OR2M4: variants seen among roughly 807,000 people sequenced by gnomAD.
OR2M4 encodes the protein olfactory receptor 2M4.
OR2M4 carries 8 observed loss-of-function variants against 13.7 expected under a neutral mutation model. The ratio of observed to expected loss-of-function variants is 0.58; its 90% CI spans 0.34 to 1.05. OR2M4 has a LOEUF of 1.05. Ranked by LOEUF, OR2M4 falls within the 50% of genes least tolerant of loss-of-function variation. The pLI, the probability that OR2M4 is intolerant of heterozygous loss-of-function variation, is 0.02. For missense variants in OR2M4, 374 were observed against 381.6 expected, an observed-to-expected ratio of 0.98 and a Z score of 0.17; for synonymous variants, 152 against 141.3, an observed-to-expected ratio of 1.08 and a Z score of -0.53.
Position 248,237,378 on chromosome 1 carries a change from G to A in OR2M4, c.-19-1532G>A, listed in dbSNP as rs1026872102. Among the ~76,000 whole-genome samples the A allele has an allele frequency of 3.9e-5, 6 of 152,120 alleles. 1 individual carries two copies. In the South Asian group the frequency reaches 1.2e-3, roughly 32 times the overall value. On this transcript the variant is annotated intron_variant, in intron 1 of 1. Coordinates refer to ENST00000641868, the MANE Select transcript of OR2M4 (RefSeq NM_017504.2). ...CGTGTTAAAAACTCTCAATAGCCAGGCACGGTGGCTCATGCGTGTAATCCC... is the reference window on the plus strand; with the variant it reads ...CGTGTTAAAAACTCTCAATAGCCAGACACGGTGGCTCATGCGTGTAATCCC...
rs149879472 is a variant in OR2M4, at chr1:248,238,915, G to A, written c.-14G>A. On this transcript the variant is annotated 5_prime_UTR_variant, in exon 2 of 2. Transcript: ENST00000641868. ...ACCTTCTTTGGAATTCTCAGATAAG[G>A]CAAATTATCCAGGATGGTGTGGGAA... 0.019 allele frequency: 29,287 copies of A among 1,548,730 alleles called. 328 individuals carry two copies. Among genetic ancestry groups the A allele is most frequent in the Non-Finnish European group, 0.022 (24,755 of 1,147,790 alleles).
chr1:248,236,699 T>C (rs1666560221), intron 1 of OR2M4, among the ~76,000 whole-genome samples: 1 of 151,666 alleles, frequency 6.6e-6, no homozygotes, highest in African/African-American at 2.4e-5. Flanking sequence ...GAGAGAATAA[T>C]CAGATAGACC....
rs769395579 is a variant in OR2M4 at position 248,239,040 on chromosome 1, G to T, written c.112G>T (p.Ala38Ser). 5.0e-6 allele frequency: 8 copies of T among 1,613,800 alleles called. No individual in the cohort carries two copies. In the South Asian group the frequency reaches 6.6e-5, roughly 13 times the overall value. Reference sequence around the variant, plus strand: ...TCTGGTCCTGGGCATCTTCTCACTGGCATTGATGGAAAATATTTCCATGGT... The same window carrying T: ...TCTGGTCCTGGGCATCTTCTCACTGTCATTGATGGAAAATATTTCCATGGT... ...FSLVLGIFSLALMENISMVLL... is the reference protein window; with the variant it reads ...FSLVLGIFSLSLMENISMVLL... The change falls in exon 2 of 2, where the codon GCA becomes TCA. Residue 38 changes from alanine (A) to serine (S), a missense_variant. Transcript: ENST00000641868.
chr1:248,239,585 C>A lies in OR2M4; in HGVS notation c.657C>A (p.Ser219=), dbSNP rs1666595298. 1 of 1,613,964 alleles carries A rather than the reference C, an allele frequency of 6.2e-7. No homozygotes were observed. The highest frequency in any genetic ancestry group is 1.3e-5 in the African/African-American group (1 of 74,886). The change falls in exon 2 of 2, where the codon TCC becomes TCA. Residue 219 remains serine, a synonymous_variant. Transcript: ENST00000641868. ...FPVSVIILSY[S]HVLRAVIHMG... is the part of the protein sequence containing the mutation. ...TTTCAGTTATCATACTTTCCTATTC[C>A]CATGTCCTTCGAGCCGTCATCCACA...
chr1:248,234,689 T>C (rs1666539979), intron 1 of OR2M4, among the ~76,000 whole-genome samples: 1 of 152,108 alleles, frequency 6.6e-6, no homozygotes, highest in Non-Finnish European at 1.5e-5. Flanking sequence ...TTCCATGTTG[T>C]ATATGTGCCA....
intron 1 of OR2M4, among the ~76,000 whole-genome samples, chr1:248,237,066 G>T (rs963946524): frequency 1.3e-5 from 2 of 152,154 alleles, no homozygotes; most frequent in South Asian, 2.1e-4. Context: ...CATTTATGAG[G>T]CCAGCATCAT....
At chr1:248,235,404 G>T (rs1032389953) in intron 1 of OR2M4, among the ~76,000 whole-genome samples, 1 of 152,126 alleles carries the variant, frequency 6.6e-6, no homozygotes, top group Non-Finnish European at 1.5e-5. Context: ...TTTGATTGCT[G>T]TAGCCTTGTA....
At position 248,242,052 on chromosome 1, in the gene OR2M4, C is replaced by A. The variant is rs1231481918; in HGVS notation, c.*2188C>A. 1 of 152,084 alleles carries A rather than the reference C, an allele frequency of 6.6e-6. No individual in the cohort carries two copies. The highest frequency in any genetic ancestry group is 1.5e-5 in the Non-Finnish European group (1 of 68,024). 9.4% of individuals were successfully genotyped at this position (152,084 alleles called of 1,614,324 possible). A position where few individuals can be genotyped will look rare whatever the true frequency, so the allele number is the denominator to read the frequency against. On this transcript the variant is annotated 3_prime_UTR_variant, in exon 2 of 2. Transcript: ENST00000641868. ...GTTTCATTCCACTTTATGATACACA[C>A]TGGAAATGTTTATGCTCAGTTTTTG...
At position 248,243,666 on chromosome 1, in the gene OR2M4, T is replaced by C. The variant is rs1273990673; in HGVS notation, c.*3802T>C. On this transcript the variant is annotated 3_prime_UTR_variant, in exon 2 of 2. Coordinates refer to ENST00000641868, the MANE Select transcript of OR2M4 (RefSeq NM_017504.2). The stretch of plus-strand genomic sequence containing the variant: ...GGCTTGGCAAATAATTTTTGGCTAA[T>C]TTCCCAAAAACATTTGCAACAAAAA... 1 of 152,210 alleles carries C rather than the reference T, an allele frequency of 6.6e-6. No individual in the cohort carries two copies. The allele number at this position is 152,210 out of a possible 1,614,324, so 9.4% of individuals were successfully genotyped here.
rs1408388612 is a variant in OR2M4 at position 248,240,846 on chromosome 1, T to C, written c.*982T>C. 1 of 152,250 alleles carries C rather than the reference T, an allele frequency of 6.6e-6. No homozygotes were observed. The highest frequency in any genetic ancestry group is 1.5e-5 in the Non-Finnish European group (1 of 68,092). The allele number at this position is 152,250 out of a possible 1,614,324, so 9.4% of individuals were successfully genotyped here. ...CTGGTGAGAAAGAACACAGCAATTG[T>C]GAGGCTTTGAGCTCAGTGCTGTCCT... On this transcript the variant is annotated 3_prime_UTR_variant, in exon 2 of 2. Transcript: ENST00000641868.
rs1666624653 is a variant in OR2M4 at position 248,242,113 on chromosome 1, A to C, written c.*2249A>C. ...ATATGTGTCGTGGGTACAGTTGCTC[A>C]ATTTATTCAATTTATACTTGTATAT... On this transcript the variant is annotated 3_prime_UTR_variant, in exon 2 of 2. Coordinates refer to ENST00000641868, the MANE Select transcript of OR2M4 (RefSeq NM_017504.2). 6.6e-6 allele frequency: 1 copy of C among 152,146 alleles called. No homozygotes were observed. The highest frequency in any genetic ancestry group is 6.5e-5 in the Admixed American group (1 of 15,272). 9.4% of individuals were successfully genotyped at this position (152,146 alleles called of 1,614,324 possible). A position where few individuals can be genotyped will look rare whatever the true frequency, so the allele number is the denominator to read the frequency against.
Position 248,234,279 on chromosome 1 carries a change from A to T in OR2M4, c.-20+2699A>T, listed in dbSNP as rs76396120. Among the ~76,000 whole-genome samples, 652 of 146,784 alleles carry T rather than the reference A, an allele frequency of 4.4e-3. 3 individuals carry two copies. Among genetic ancestry groups the T allele is most frequent in the African/African-American group, 0.015 (606 of 39,882 alleles). On this transcript the variant is annotated intron_variant, in intron 1 of 1. Coordinates refer to ENST00000641868, the MANE Select transcript of OR2M4 (RefSeq NM_017504.2). ...CATCTTGAACTGGGCTGAGTCAAAT[A>T]TTTTTTTTTTTTAATTTGTATTTTA...
At chr1:248,232,362 T>C (rs1023470065) in intron 1 of OR2M4, among the ~76,000 whole-genome samples, 2 of 152,196 alleles carry the variant, frequency 1.3e-5, no homozygotes, top group African/African-American at 4.8e-5. Context: ...GGGGTTGAGC[T>C]TCTTTCCAAA....
At chr1:248,236,097 A>C (rs945941417) in intron 1 of OR2M4, among the ~76,000 whole-genome samples, 2 of 152,100 alleles carry the variant, frequency 1.3e-5, no homozygotes, top group African/African-American at 2.4e-5. Context: ...CATAATATAC[A>C]TTTTTATCAG....
chr1:248,239,029 T>C lies in OR2M4; in HGVS notation c.101T>C (p.Ile34Thr). The stretch of plus-strand genomic sequence containing the variant: ...TTCCTTTTTTCTCTGGTCCTGGGCA[T>C]CTTCTCACTGGCATTGATGGAAAAT... Reference protein sequence around the residue: ...HTFLFSLVLGIFSLALMENIS... With the variant: ...HTFLFSLVLGTFSLALMENIS... Residue 34 changes from isoleucine to threonine, a missense_variant, in exon 2 of 2, where the codon ATC (isoleucine) becomes ACC (threonine). By Grantham distance (89) the Ile-to-Thr change is moderately conservative. Transcript: ENST00000641868. 1 of 1,614,020 alleles carries C rather than the reference T, an allele frequency of 6.2e-7. No homozygotes were observed. The highest frequency in any genetic ancestry group is 8.5e-7 in the Non-Finnish European group (1 of 1,179,934).
Position 248,243,383 on chromosome 1 carries a change from C to T in OR2M4, c.*3519C>T, listed in dbSNP as rs1666635794. On this transcript the variant is annotated 3_prime_UTR_variant, in exon 2 of 2. Coordinates refer to ENST00000641868, the MANE Select transcript of OR2M4 (RefSeq NM_017504.2). ...TTTCGTGTTTCCTGGCATTCGCAGGCACGCTGTCCGGTGGGGGTTGAGAGA... is the reference window on the plus strand; with the variant it reads ...TTTCGTGTTTCCTGGCATTCGCAGGTACGCTGTCCGGTGGGGGTTGAGAGA... 6.6e-6 allele frequency: 1 copy of T among 152,162 alleles called. No individual in the cohort carries two copies. 9.4% of individuals were successfully genotyped at this position (152,162 alleles called of 1,614,324 possible).
chr1:248,243,465 G>C lies in OR2M4; in HGVS notation c.*3601G>C, dbSNP rs550626887. ...TTGGAGGAGGCCCCTCCAATTACTA[G>C]CACTTCGCCTGCATTTCTTTTATTA... On this transcript the variant is annotated 3_prime_UTR_variant, in exon 2 of 2. Transcript: ENST00000641868. The C allele has an allele frequency of 3.3e-5, 5 of 152,280 alleles. No individual in the cohort carries two copies. Among genetic ancestry groups the C allele is most frequent in the Admixed American group, 2.0e-4 (3 of 15,294 alleles). 9.4% of individuals were successfully genotyped at this position (152,280 alleles called of 1,614,324 possible).
Position 248,240,413 on chromosome 1 carries a change from T to TAC in OR2M4, c.*556_*557dup, listed in dbSNP as rs780631480. ...TATTTCCTAGAAACTCGTATAAACA[T>TAC]ACACACACTTAAGTATATATGTGTG... On this transcript the variant is annotated 3_prime_UTR_variant, in exon 2 of 2. Transcript: ENST00000641868. 6.6e-6 allele frequency: 1 copy of TAC among 152,506 alleles called. No homozygotes were observed. The highest frequency in any genetic ancestry group is 1.5e-5 in the Non-Finnish European group (1 of 68,314). The allele number at this position is 152,506 out of a possible 1,614,324, so 9.4% of individuals were successfully genotyped here.
rs757477552 is a variant in OR2M4 at position 248,239,253 on chromosome 1, G to A, written c.325G>A (p.Gly109Arg). 6 of 1,613,840 alleles carry A rather than the reference G, an allele frequency of 3.7e-6. No homozygotes were observed. The African/African-American group carries it at 8.0e-5, about 22-fold the overall frequency. ...GATATTCTTCTATGTGTCCCTGCTT[G>A]GAGCTGAATGTTTCTTGTTGGCTGT... Reference protein sequence around the residue: ...TQIFFYVSLLGAECFLLAVMA... With the variant: ...TQIFFYVSLLRAECFLLAVMA... The change falls in exon 2 of 2, where the codon GGA (glycine) becomes AGA (arginine). Residue 109 changes from glycine (G) to arginine (R), a missense_variant. Gly to Arg is a moderately radical substitution (Grantham distance 125). Coordinates refer to ENST00000641868, the MANE Select transcript of OR2M4 (RefSeq NM_017504.2).
Sources: gnomAD v4.1 joint callset for allele counts (sites outside exome capture counted in the v4.1 genomes callset) on GRCh38, gnomAD v4.1.1 for gene constraint, MANE v1.5 for transcripts, NCBI Gene and HGNC (gene_info 2026-07-23, HGNC 2026-07-21) for gene names.